KCTD8: variants seen among roughly 807,000 people sequenced by gnomAD.
KCTD8 encodes the protein potassium channel tetramerization domain containing 8.
KCTD8 carries 27 observed loss-of-function variants against 31.5 expected under a neutral mutation model. The ratio of observed to expected loss-of-function variants is 0.86; its 90% confidence interval spans 0.63 to 1.18. KCTD8 has a LOEUF of 1.18. Ranked by LOEUF, KCTD8 falls within the 50% of genes most tolerant of loss-of-function variation. The pLI, the probability that KCTD8 is intolerant of heterozygous loss-of-function variation, is 0.00. For synonymous variants in KCTD8, 290 were observed against 280.0 expected, an observed-to-expected ratio of 1.04 and a Z score of -0.36; for missense variants, 658 against 647.7, an observed-to-expected ratio of 1.02 and a Z score of -0.17.
intron 1 of KCTD8, among the ~76,000 whole-genome samples, chr4:44,186,296 G>A (rs1454559137): frequency 6.6e-6 from 1 of 152,166 alleles, no homozygotes; most frequent in Non-Finnish European, 1.5e-5. Context: ...GAATTGCGTC[G>A]CCTTACTCCA....
At chr4:44,437,369 T>C (rs770114741) in intron 1 of KCTD8, among the ~76,000 whole-genome samples, 4 of 152,208 alleles carry the variant, frequency 2.6e-5, no homozygotes, top group Non-Finnish European at 4.4e-5. Flanking sequence ...GTAGGAAATA[T>C]GTTCACTACT....
intron 1 of KCTD8, among the ~76,000 whole-genome samples, chr4:44,414,440 G>A (rs1721027201): frequency 6.6e-6 from 1 of 152,108 alleles, no homozygotes; most frequent in Admixed American, 6.5e-5. Flanking sequence ...GGGAGGAAGT[G>A]CTCTGGGTAG....
At chr4:44,367,036 G>A (rs556706588) in intron 1 of KCTD8, among the ~76,000 whole-genome samples, 12 of 152,254 alleles carry the variant, frequency 7.9e-5, no homozygotes, top group African/African-American at 2.6e-4. Context: ...CACATTCTTT[G>A]CTGCAATCCA....
Position 44,447,759 on chromosome 4 carries a change from G to T in KCTD8, c.765C>A (p.Ser255Arg), listed in dbSNP as rs1305312792. 2 of 1,611,654 alleles carry T rather than the reference G, an allele frequency of 1.2e-6. No individual in the cohort carries two copies. The highest frequency in any genetic ancestry group is 2.2e-5 in the South Asian group (2 of 90,528). ...KEVFGDTLNE[S>R]RDPDRQPEKY... ...TCTCCGGCTGCCGGTCGGGGTCGCG[G>T]CTCTCGTTGAGCGTGTCCCCGAAGA... is the stretch of plus-strand genomic sequence containing the variant. The change falls in exon 1 of 2, where the codon AGC becomes AGA. Residue 255 changes from serine to arginine, a missense_variant. Transcript: ENST00000360029.
chr4:44,299,383 C>G (rs1313068240), intron 1 of KCTD8, among the ~76,000 whole-genome samples: 3 of 152,030 alleles, frequency 2.0e-5, no homozygotes, highest in Non-Finnish European at 4.4e-5. Flanking sequence ...ATATTTTTAC[C>G]AAAAGTTTAA....
Position 44,259,486 on chromosome 4 carries a change from C to T in KCTD8, c.962-84236G>A, listed in dbSNP as rs76541645. Reference sequence around the variant, plus strand: ...TGGAACAGGAAAAAAATAGTAAGATCCATTTAGTTCATCCTCCTACATCCA... The same window carrying T: ...TGGAACAGGAAAAAAATAGTAAGATTCATTTAGTTCATCCTCCTACATCCA... On this transcript the variant is annotated intron_variant, in intron 1 of 1. Transcript: ENST00000360029. Among the ~76,000 whole-genome samples, 1,267 of 151,920 alleles carry T rather than the reference C, an allele frequency of 8.3e-3. 16 individuals carry two copies. Among genetic ancestry groups the T allele is most frequent in the African/African-American group, 0.029 (1,185 of 41,520 alleles).
intron 1 of KCTD8, among the ~76,000 whole-genome samples, chr4:44,324,737 C>T (rs982220991): frequency 6.6e-6 from 1 of 151,854 alleles, no homozygotes; most frequent in Non-Finnish European, 1.5e-5. Flanking sequence ...ATTGGCTTCC[C>T]CTTGGAGACT....
rs1464882670 is a variant in KCTD8 at position 44,448,625 on chromosome 4, G to A, written c.-102C>T. The A allele has an allele frequency of 1.1e-5, 13 of 1,222,966 alleles. No homozygotes were observed. The highest frequency in any genetic ancestry group is 3.0e-4 in the Middle Eastern group (1 of 3,292). 75.8% of individuals were successfully genotyped at this position (1,222,966 alleles called of 1,614,324 possible). On this transcript the variant is annotated 5_prime_UTR_variant, in exon 1 of 2. Coordinates refer to ENST00000360029, the MANE Select transcript of KCTD8 (RefSeq NM_198353.3). This position sits in a 1 kb window ranked among gnomAD's most constrained non-coding sequence, Gnocchi z 4.1. ...CGTGCTCCTGGCGCTCTGCGCCCTCGGACTGGGCGGCGCGTTCCTCCGACC... is the reference window on the plus strand; with the variant it reads ...CGTGCTCCTGGCGCTCTGCGCCCTCAGACTGGGCGGCGCGTTCCTCCGACC...
chr4:44,331,828 GA>G (rs1042681484), intron 1 of KCTD8, among the ~76,000 whole-genome samples: 37 of 147,814 alleles, frequency 2.5e-4, no homozygotes, highest in Non-Finnish European at 4.3e-4. Context: ...TCATATATAT[GA>G]AAAAAATAAA....
intron 1 of KCTD8, among the ~76,000 whole-genome samples, chr4:44,294,958 CA>C (rs1471115238): frequency 6.6e-6 from 1 of 151,918 alleles, no homozygotes; most frequent in Non-Finnish European, 1.5e-5. Context: ...AAGAAGGTAA[CA>C]AAATGTTCTA....
intron 1 of KCTD8, among the ~76,000 whole-genome samples, chr4:44,226,773 G>T (rs1033142937): frequency 6.6e-6 from 1 of 152,040 alleles, no homozygotes; most frequent in African/African-American, 2.4e-5. Flanking sequence ...GTTTTGATTT[G>T]CATTTCTCTA....
chr4:44,252,440 G>T (rs904224727), intron 1 of KCTD8, among the ~76,000 whole-genome samples: 3 of 151,702 alleles, frequency 2.0e-5, no homozygotes, highest in Admixed American at 2.0e-4. Context: ...TCTCCACATT[G>T]TTTTCCATAG....
rs549545145 is a variant in KCTD8, at chr4:44,314,339, A to G, written c.961+133224T>C. Among the ~76,000 whole-genome samples the G allele has an allele frequency of 9.1e-4, 139 of 152,302 alleles. 1 individual carries two copies. In the Middle Eastern group the frequency reaches 0.014, roughly 15 times the overall value. On this transcript the variant is annotated intron_variant, in intron 1 of 1. Coordinates refer to ENST00000360029, the MANE Select transcript of KCTD8 (RefSeq NM_198353.3). ...GATGCAGCTGGTGGTAGTTAGATAT[A>G]TTAGGCTGAAGTTACAGAAGATATT...
intron 1 of KCTD8, among the ~76,000 whole-genome samples, chr4:44,230,456 C>T (rs1715090009): frequency 6.6e-6 from 1 of 152,100 alleles, no homozygotes; most frequent in Non-Finnish European, 1.5e-5. Flanking sequence ...AGATAATTAA[C>T]ATGATTGTGC....
chr4:44,411,190 C>T (rs1001731828), intron 1 of KCTD8, among the ~76,000 whole-genome samples: 4 of 151,710 alleles, frequency 2.6e-5, no homozygotes, highest in Non-Finnish European at 4.4e-5. Context: ...CAAAAGTGGG[C>T]CAGGTATAGT....
chr4:44,442,911 G>C (rs1010103101), intron 1 of KCTD8, among the ~76,000 whole-genome samples: 3 of 151,922 alleles, frequency 2.0e-5, no homozygotes, highest in African/African-American at 7.3e-5. Context: ...CCCACACAAA[G>C]CTGAAAAAGG....
chr4:44,220,069 A>G (rs1714764140), intron 1 of KCTD8, among the ~76,000 whole-genome samples: 1 of 152,228 alleles, frequency 6.6e-6, no homozygotes, highest in South Asian at 2.1e-4. Flanking sequence ...TGAACTTCAA[A>G]GGCAGGACAG....
rs761010431 is a variant in KCTD8 at position 44,262,659 on chromosome 4, T to C, written c.962-87409A>G. On this transcript the variant is annotated intron_variant, in intron 1 of 1. Transcript: ENST00000360029. The stretch of plus-strand genomic sequence containing the variant: ...TTTGAATTATCTTTTTGTTAATGTC[T>C]TAAGGGGAATAAAATAACTGTTATA... Among the ~76,000 whole-genome samples, 243 of 152,232 alleles carry C rather than the reference T, an allele frequency of 1.6e-3. 3 individuals carry two copies. Among genetic ancestry groups the C allele is most frequent in the Middle Eastern group, 6.8e-3 (2 of 294 alleles).
intron 1 of KCTD8, among the ~76,000 whole-genome samples, chr4:44,269,129 G>A (rs1228683878): frequency 6.6e-6 from 1 of 152,088 alleles, no homozygotes; most frequent in Admixed American, 6.5e-5. Context: ...CATGCTACCT[G>A]ACTTCAAACT....
Sources: gnomAD v4.1 joint callset for allele counts (sites outside exome capture counted in the v4.1 genomes callset) on GRCh38, gnomAD v4.1.1 for gene constraint, Gnocchi (gnomAD v3.1) non-coding constraint, MANE v1.5 for transcripts, NCBI Gene and HGNC (gene_info 2026-07-23, HGNC 2026-07-21) for gene names.